Variants in KCNH1 observed in about 807,000 individuals in gnomAD.
The protein encoded by KCNH1 is voltage-gated delayed rectifier potassium channel KCNH1.
KCNH1 carries 27 observed loss-of-function variants against 69.2 expected under a neutral mutation model. The ratio of observed to expected loss-of-function variants is 0.39; its 90% CI spans 0.29 to 0.54. KCNH1 has a LOEUF of 0.54. Among genes scored for constraint, KCNH1 ranks in the 20% least tolerant of loss-of-function variants. The pLI is 0.68. For missense variants in KCNH1, 798 were observed against 1,261.6 expected (o/e 0.63, Z 5.57); for synonymous variants, 456 against 487.7 (o/e 0.93, Z 0.86).
rs569649990 is a variant in KCNH1, at chr1:210,886,094, G to A, written c.1462+33546C>T. Among the ~76,000 whole-genome samples, 28 of 152,280 alleles carry A rather than the reference G, an allele frequency of 1.8e-4. 1 individual carries two copies. The South Asian group carries it at 5.4e-3, about 29-fold the overall frequency. On this transcript the variant is annotated intron_variant, in intron 7 of 10. Transcript: ENST00000271751. ...TGGGTCCCTGACCCCCATGCCTCCTGATGGGGAGACACCTCCCAGCAGGGG... is the reference window on the plus strand; with the variant it reads ...TGGGTCCCTGACCCCCATGCCTCCTAATGGGGAGACACCTCCCAGCAGGGG...
intron 7 of KCNH1, among the ~76,000 whole-genome samples, chr1:210,869,776 G>T (rs2102493061): frequency 6.6e-6 from 1 of 152,096 alleles, no homozygotes; most frequent in East Asian, 1.9e-4. Flanking sequence ...ATTAAGCAAG[G>T]ACCCTAAATT....
chr1:210,960,901 A>C (rs1292207810), intron 6 of KCNH1, among the ~76,000 whole-genome samples: 1 of 152,186 alleles, frequency 6.6e-6, no homozygotes, highest in Non-Finnish European at 1.5e-5. Flanking sequence ...CCTCCATATC[A>C]ACACTTGGTA....
chr1:210,814,202 G>A (rs1368553489), intron 7 of KCNH1, among the ~76,000 whole-genome samples: 1 of 152,064 alleles, frequency 6.6e-6, no homozygotes, highest in Admixed American at 6.5e-5. Flanking sequence ...ATGCTTTGGA[G>A]ACAAGAGATG....
At chr1:210,839,716 T>C (rs1157783024) in intron 7 of KCNH1, among the ~76,000 whole-genome samples, 1 of 152,228 alleles carries the variant, frequency 6.6e-6, no homozygotes, top group Non-Finnish European at 1.5e-5. Flanking sequence ...AAGAACTTTA[T>C]ATCAAATGTG....
chr1:211,022,948 C>T (rs929628218), intron 5 of KCNH1, among the ~76,000 whole-genome samples: 4 of 151,636 alleles, frequency 2.6e-5, no homozygotes, highest in African/African-American at 9.7e-5. Flanking sequence ...CCCATCTCTA[C>T]TAAAAATACA....
intron 5 of KCNH1, among the ~76,000 whole-genome samples, chr1:211,067,094 C>T (rs1690546441): frequency 6.6e-6 from 1 of 152,178 alleles, no homozygotes; most frequent in African/African-American, 2.4e-5. Flanking sequence ...GCCAGGCTGG[C>T]AGCATGGAGT....
chr1:210,728,825 A>G (rs1682673034), intron 10 of KCNH1, among the ~76,000 whole-genome samples: 2 of 152,380 alleles, frequency 1.3e-5, no homozygotes, highest in Admixed American at 6.5e-5. Flanking sequence ...AGATAGGGCC[A>G]GCAAATGTCT....
chr1:211,014,523 T>C (rs531443165), intron 6 of KCNH1, among the ~76,000 whole-genome samples: 4 of 152,330 alleles, frequency 2.6e-5, no homozygotes, highest in African/African-American at 7.2e-5. Context: ...AGATGGGCTA[T>C]ATCCACAGGG....
intron 7 of KCNH1, among the ~76,000 whole-genome samples, chr1:210,818,488 T>C (rs961387845): frequency 3.3e-5 from 5 of 152,182 alleles, no homozygotes; most frequent in Admixed American, 6.5e-5. Context: ...ACTTGCTGTG[T>C]GACTTGGAGC....
At chr1:210,701,307 G>C (rs1482495522) in intron 10 of KCNH1, among the ~76,000 whole-genome samples, 1 of 152,026 alleles carries the variant, frequency 6.6e-6, no homozygotes, top group Non-Finnish European at 1.5e-5. Context: ...TCCTAACCTT[G>C]AGCAATCCTC....
At chr1:210,983,542 T>G (rs1264685919) in intron 6 of KCNH1, among the ~76,000 whole-genome samples, 4 of 152,192 alleles carry the variant, frequency 2.6e-5, no homozygotes, top group African/African-American at 7.2e-5. Context: ...TTTCCCCATT[T>G]CTTCTTTTTT....
chr1:211,090,497 G>T (rs1331198981), intron 4 of KCNH1, 65 bp downstream of exon 4: 1 of 1,446,240 alleles, frequency 6.9e-7, no homozygotes, highest in Admixed American at 2.3e-5. Flanking sequence ...TAAATGCTCT[G>T]TAACAAGAGC....
chr1:211,017,978 A>G (rs970632897), intron 6 of KCNH1, among the ~76,000 whole-genome samples: 1 of 152,026 alleles, frequency 6.6e-6, no homozygotes, highest in East Asian at 1.9e-4. Flanking sequence ...TGGGGTGGTG[A>G]GTGGATTCTC....
intron 10 of KCNH1, among the ~76,000 whole-genome samples, chr1:210,747,187 C>T (rs895015449): frequency 6.6e-6 from 1 of 152,034 alleles, no homozygotes; most frequent in African/African-American, 2.4e-5. Context: ...TAAAATGAGT[C>T]CACATCTATA....
intron 10 of KCNH1, among the ~76,000 whole-genome samples, chr1:210,737,888 G>T (rs1361228043): frequency 6.6e-6 from 1 of 152,074 alleles, no homozygotes; most frequent in Non-Finnish European, 1.5e-5. Flanking sequence ...TTCTACCCTT[G>T]TCCCACTCTG....
At chr1:211,119,776 G>C (rs966213303) in intron 1 of KCNH1, among the ~76,000 whole-genome samples, 1 of 152,168 alleles carries the variant, frequency 6.6e-6, no homozygotes, top group Non-Finnish European at 1.5e-5. Flanking sequence ...ACTCTCAAGA[G>C]ATTCAATAGT....
chr1:210,769,617 C>G (rs961736977), intron 10 of KCNH1, among the ~76,000 whole-genome samples: 7 of 152,148 alleles, frequency 4.6e-5, no homozygotes, highest in Non-Finnish European at 8.8e-5. Context: ...TGAGAACCGC[C>G]CTCCCAATTA....
intron 9 of KCNH1, among the ~76,000 whole-genome samples, chr1:210,789,042 G>A (rs1291446611): frequency 6.6e-6 from 1 of 152,200 alleles, no homozygotes; most frequent in Non-Finnish European, 1.5e-5. Context: ...TGCTTCAGAT[G>A]GAACAGCTGT....
At chr1:210,776,651 C>T (rs1683866772) in intron 9 of KCNH1, among the ~76,000 whole-genome samples, 1 of 152,040 alleles carries the variant, frequency 6.6e-6, no homozygotes, top group Non-Finnish European at 1.5e-5. Context: ...CAATGCTGTC[C>T]CCTGGTCTCA....
Sources: allele counts gnomAD v4.1 joint callset (sites outside exome capture counted in the v4.1 genomes callset), GRCh38; gene constraint gnomAD v4.1.1; transcripts MANE v1.5; gene names NCBI Gene and HGNC (gene_info 2026-07-23, HGNC 2026-07-21).